CACNA1B: variants seen among roughly 807,000 people sequenced by gnomAD.
CACNA1B encodes the protein voltage-dependent N-type calcium channel subunit alpha-1B.
In CACNA1B, 70 loss-of-function variants were observed where a neutral mutation model predicts 247.2. That is an observed-to-expected ratio of 0.28 (90% CI 0.23 to 0.35). The LOEUF is 0.35. CACNA1B is among the 10% of genes least tolerant of loss of function. The pLI is 1.00. For missense variants in CACNA1B, 2,367 were observed against 3,197.4 expected (o/e 0.74, Z 6.26); for synonymous variants, 1,231 against 1,294.4 (o/e 0.95, Z 1.05).
In CACNA1B at chr9:138,077,875, G is replaced by A. The variant is rs34845579; in HGVS notation, c.4950-239G>A. Among the ~76,000 whole-genome samples the A allele has an allele frequency of 0.36, 55,248 of 152,164 alleles. 12,147 individuals carry two copies. The highest frequency in any genetic ancestry group is 0.47 in the Admixed American group (7,235 of 15,282). On this transcript the variant is annotated intron_variant, in intron 35 of 46. Coordinates refer to ENST00000371372, the MANE Select transcript of CACNA1B (RefSeq NM_000718.4). ...TCCACAAAGAAGTGCTCGCCCTGGC[G>A]CTGGCCCCTGGTGCCGTAGATAATT...
intron 31 of CACNA1B, among the ~76,000 whole-genome samples, chr9:138,064,750 CAT>C (rs1400776906): frequency 6.6e-6 from 1 of 152,212 alleles, no homozygotes; most frequent in East Asian, 1.9e-4. Context: ...GAGCCAGCCT[CAT>C]GTGATTGTGT....
intron 20 of CACNA1B, among the ~76,000 whole-genome samples, chr9:138,034,296 G>A (rs1479502136): frequency 1.3e-5 from 2 of 151,958 alleles, no homozygotes; most frequent in Non-Finnish European, 2.9e-5. Flanking sequence ...TGTGTGTATT[G>A]GGGGTCTTGT....
chr9:138,028,932 C>G (rs527312140), intron 20 of CACNA1B, among the ~76,000 whole-genome samples: 2 of 152,186 alleles, frequency 1.3e-5, no homozygotes, highest in Non-Finnish European at 2.9e-5. Context: ...CTGCTTCTCT[C>G]TGACTTAAAT....
Position 138,052,243 on chromosome 9 carries a change from T to C in CACNA1B, c.3807+55T>C, listed in dbSNP as rs544487568. The C allele has an allele frequency of 1.4e-4, 99 of 693,832 alleles. 1 individual carries two copies. The highest frequency in any genetic ancestry group is 1.0e-3 in the South Asian group (61 of 59,014). 43.0% of individuals were successfully genotyped at this position (693,832 alleles called of 1,614,324 possible). A position where few individuals can be genotyped will look rare whatever the true frequency, so the allele number is the denominator to read the frequency against. ...TGTGCTGTGTGTGTGTGCGTGTGTG[T>C]GTGTGCGTGTGTGTGTGTGTATGCA... is the stretch of plus-strand genomic sequence containing the variant. On this transcript the variant is annotated intron_variant, in intron 25 of 46. Transcript: ENST00000371372. This position sits in a 1 kb window ranked among gnomAD's most constrained non-coding sequence, Gnocchi z 5.1.
chr9:137,957,750 G>T lies in CACNA1B; in HGVS notation c.1333+63G>T, dbSNP rs182532849. On this transcript the variant is annotated intron_variant, in intron 10 of 46. Coordinates refer to ENST00000371372, the MANE Select transcript of CACNA1B (RefSeq NM_000718.4). This position sits in a 1 kb window ranked among gnomAD's most constrained non-coding sequence, Gnocchi z 4.7. ...GAGCTGGACATGGAGTGCATGCTCC[G>T]CTTCCCCTGCTACCCAGCCACTGTT... 1.7e-5 allele frequency: 20 copies of T among 1,150,662 alleles called. 1 individual carries two copies. The East Asian group carries it at 2.2e-4, about 13-fold the overall frequency. The allele number at this position is 1,150,662 out of a possible 1,614,324, so 71.3% of individuals were successfully genotyped here.
intron 20 of CACNA1B, 42 bp from the exon 21 acceptor site, chr9:138,043,732 T>C (rs1020916074): frequency 4.4e-6 from 7 of 1,609,056 alleles, no homozygotes; most frequent in Non-Finnish European, 6.0e-6. Context: ...GTGGGCTTCA[T>C]GTGCACTACA....
chr9:138,070,477 C>T (rs554965812), intron 32 of CACNA1B, among the ~76,000 whole-genome samples: 3 of 152,346 alleles, frequency 2.0e-5, no homozygotes, highest in Admixed American at 6.5e-5. Flanking sequence ...CAGGTCCAAC[C>T]GGAGCTTCCT....
In CACNA1B at chr9:137,996,754, C is replaced by A. The variant is rs993011753; in HGVS notation, c.1974+9900C>A. Among the ~76,000 whole-genome samples, 11 of 151,968 alleles carry A rather than the reference C, an allele frequency of 7.2e-5. 1 individual carries two copies. The highest frequency in any genetic ancestry group is 1.5e-4 in the Non-Finnish European group (10 of 67,992). ...AATTCTGCTATTTAAGAAATTATTCCAATTTTATACAGACTCCTCCGCAGA... is the reference window on the plus strand; with the variant it reads ...AATTCTGCTATTTAAGAAATTATTCAAATTTTATACAGACTCCTCCGCAGA... On this transcript the variant is annotated intron_variant, in intron 15 of 46. Coordinates refer to ENST00000371372, the MANE Select transcript of CACNA1B (RefSeq NM_000718.4).
In CACNA1B at chr9:138,010,179, C is replaced by T. The variant is rs924044252; in HGVS notation, c.2160+102C>T. 26 of 900,310 alleles carry T rather than the reference C, an allele frequency of 2.9e-5. 1 individual carries two copies. Among genetic ancestry groups the T allele is most frequent in the Middle Eastern group, 2.8e-4 (1 of 3,540 alleles). The allele number at this position is 900,310 out of a possible 1,614,324, so 55.8% of individuals were successfully genotyped here. ...TGGGTTAGGGCCTCGTGTCCAGGAG[C>T]GTTGCCTTGGGTCCTGGCGGGCAGA... On this transcript the variant is annotated intron_variant, in intron 17 of 46. Transcript: ENST00000371372. The surrounding 1 kb of genome is among the most constrained non-coding windows in gnomAD (Gnocchi z 5.3).
rs1176200431 is a variant in CACNA1B at position 138,058,854 on chromosome 9, C to G, written c.4473+121C>G. The stretch of plus-strand genomic sequence containing the variant: ...ATGAGCCAAAGCAGTAGTGGCCTTG[C>G]ATCCTGGCCAGCATGGGATGCCTGT... On this transcript the variant is annotated intron_variant, in intron 29 of 46. Coordinates refer to ENST00000371372, the MANE Select transcript of CACNA1B (RefSeq NM_000718.4). The surrounding 1 kb of genome is among the most constrained non-coding windows in gnomAD (Gnocchi z 4.7). The G allele has an allele frequency of 1.9e-5, 17 of 901,156 alleles. No individual in the cohort carries two copies. In the East Asian group the frequency reaches 2.4e-4, roughly 13 times the overall value. The allele number at this position is 901,156 out of a possible 1,614,324, so 55.8% of individuals were successfully genotyped here.
At chr9:138,060,659 C>G (rs1448639261) in intron 31 of CACNA1B, among the ~76,000 whole-genome samples, 2 of 152,230 alleles carry the variant, frequency 1.3e-5, no homozygotes, top group Admixed American at 1.3e-4. Context: ...GCCACGAGTG[C>G]TGCACCCAAG....
At chr9:138,108,922 G>T (rs1961531694) in intron 39 of CACNA1B, among the ~76,000 whole-genome samples, 1 of 152,332 alleles carries the variant, frequency 6.6e-6, no homozygotes, top group Admixed American at 6.5e-5. Flanking sequence ...AAAGTGCTGG[G>T]ATTACAGGCG....
chr9:138,085,452 T>C (rs1334712356), intron 36 of CACNA1B, among the ~76,000 whole-genome samples: 1 of 151,096 alleles, frequency 6.6e-6, no homozygotes, highest in East Asian at 2.0e-4. Context: ...GGAAAAGGTA[T>C]AGAAAATCTA....
intron 6 of CACNA1B, among the ~76,000 whole-genome samples, chr9:137,920,524 C>G (rs1369215764): frequency 6.6e-6 from 1 of 152,220 alleles, no homozygotes; most frequent in East Asian, 1.9e-4. Flanking sequence ...CGAGTTGAAA[C>G]TGTATTTTCC....
At chr9:137,894,741 A>G (rs1957154246) in intron 3 of CACNA1B, among the ~76,000 whole-genome samples, 1 of 152,060 alleles carries the variant, frequency 6.6e-6, no homozygotes, top group South Asian at 2.1e-4. Flanking sequence ...GTGTCTTCAT[A>G]TATTTTGCTC....
intron 31 of CACNA1B, among the ~76,000 whole-genome samples, chr9:138,062,002 T>G (rs555601373): frequency 3.3e-5 from 5 of 152,342 alleles, no homozygotes; most frequent in African/African-American, 1.2e-4. Flanking sequence ...CTAGCCAATA[T>G]CTGTTGGTCG....
At chr9:138,104,230 G>T (rs1047725412) in intron 38 of CACNA1B, among the ~76,000 whole-genome samples, 1 of 152,378 alleles carries the variant, frequency 6.6e-6, no homozygotes, top group Non-Finnish European at 1.5e-5. Flanking sequence ...CCCTGGCCTT[G>T]CCTCTTGGCT....
chr9:138,079,558 C>T (rs1176006956), intron 36 of CACNA1B, among the ~76,000 whole-genome samples: 4 of 151,976 alleles, frequency 2.6e-5, no homozygotes, highest in African/African-American at 4.8e-5. Context: ...GCCTGGCCAA[C>T]GTGGTGAAAC....
chr9:137,957,590 T>C lies in CACNA1B; in HGVS notation c.1244-8T>C. The C allele has an allele frequency of 6.4e-7, 1 of 1,573,666 alleles. No homozygotes were observed. Among genetic ancestry groups the C allele is most frequent in the Non-Finnish European group, 8.6e-7 (1 of 1,160,162 alleles). ...CAGGCAGTCTCTCCCATCCTTTGTT[T>C]AAAGCAGTGCTGAAGAGAGCGGCCA... On this transcript the variant is annotated splice_polypyrimidine_tract_variant and splice_region_variant and intron_variant, in intron 9 of 46. Transcript: ENST00000371372. This position sits in a 1 kb window ranked among gnomAD's most constrained non-coding sequence, Gnocchi z 4.7.
Sources: allele counts gnomAD v4.1 joint callset (sites outside exome capture counted in the v4.1 genomes callset), GRCh38; gene constraint gnomAD v4.1.1; non-coding constraint Gnocchi (gnomAD v3.1); transcripts MANE v1.5; gene names NCBI Gene and HGNC (gene_info 2026-07-23, HGNC 2026-07-21).